GRM3: variants seen among roughly 807,000 people sequenced by gnomAD.
GRM3 encodes glutamate metabotropic receptor 3.
Under a neutral mutation model 70.5 loss-of-function variants are expected in GRM3, and 26 were observed. That is an observed-to-expected ratio of 0.37 (90% confidence interval 0.27 to 0.51). The LOEUF (loss-of-function observed/expected upper bound fraction) is 0.51, where lower values mean the gene tolerates loss of function less well. Among genes scored for constraint, GRM3 ranks in the 20% least tolerant of loss-of-function variants. The pLI is 0.93. For synonymous variants in GRM3, 443 were observed against 434.9 expected, an observed-to-expected ratio of 1.02 and a Z score of -0.23; for missense variants, 859 against 1,123.8, an observed-to-expected ratio of 0.76 and a Z score of 3.37.
At chr7:86,700,038 T>C (rs1383913821) in intron 1 of GRM3, among the ~76,000 whole-genome samples, 1 of 151,998 alleles carries the variant, frequency 6.6e-6, no homozygotes, top group African/African-American at 2.4e-5. Flanking sequence ...TTTTCCACAG[T>C]CCAGAGGCTG....
chr7:86,693,528 G>T (rs149592257), intron 1 of GRM3, among the ~76,000 whole-genome samples: 1 of 152,156 alleles, frequency 6.6e-6, no homozygotes, highest in Admixed American at 6.5e-5. Flanking sequence ...AAAAGGACAC[G>T]CTTCTAGCTA....
Position 86,821,856 on chromosome 7 carries a change from C to G in GRM3, c.1325-16983C>G, listed in dbSNP as rs143882497. Among the ~76,000 whole-genome samples the G allele has an allele frequency of 3.7e-4, 56 of 152,162 alleles. 1 individual carries two copies. In the East Asian group the frequency reaches 7.9e-3, roughly 22 times the overall value. On this transcript the variant is annotated intron_variant, in intron 3 of 5. Transcript: ENST00000361669. ...TTACAAGAAAATCAAATTTAAAAATCGTTCCCTTCATAATTTTCTAATTAG... is the reference window on the plus strand; with the variant it reads ...TTACAAGAAAATCAAATTTAAAAATGGTTCCCTTCATAATTTTCTAATTAG...
chr7:86,732,075 C>G (rs148356438), intron 1 of GRM3, among the ~76,000 whole-genome samples: 1 of 152,012 alleles, frequency 6.6e-6, no homozygotes, highest in East Asian at 1.9e-4. Context: ...GCTACTTTAA[C>G]GAAGCACTGA....
At chr7:86,829,549 A>G (rs1296851769) in intron 3 of GRM3, among the ~76,000 whole-genome samples, 1 of 152,172 alleles carries the variant, frequency 6.6e-6, no homozygotes, top group Non-Finnish European at 1.5e-5. Context: ...ATAGACCATC[A>G]TAAGGTCATT....
intron 1 of GRM3, among the ~76,000 whole-genome samples, chr7:86,647,670 A>G (rs1056766679): frequency 5.3e-5 from 8 of 152,202 alleles, no homozygotes; most frequent in Admixed American, 1.3e-4. Flanking sequence ...CATTAGATGA[A>G]TTTGTTGAAA....
chr7:86,671,208 G>GT (rs1215919557), intron 1 of GRM3, among the ~76,000 whole-genome samples: 1 of 152,156 alleles, frequency 6.6e-6, no homozygotes, highest in East Asian at 1.9e-4. Context: ...TCCAAGATAA[G>GT]TTTTTTGTTT....
chr7:86,712,046 C>T (rs189275471), intron 1 of GRM3, among the ~76,000 whole-genome samples: 53 of 152,160 alleles, frequency 3.5e-4, no homozygotes, highest in East Asian at 2.9e-3. Flanking sequence ...CTGTTAGTGG[C>T]ATCCTAATAT....
At chr7:86,708,572 G>A (rs944155704) in intron 1 of GRM3, among the ~76,000 whole-genome samples, 8 of 152,108 alleles carry the variant, frequency 5.3e-5, no homozygotes, top group Non-Finnish European at 1.2e-4. Flanking sequence ...GCTGGGGATA[G>A]ACATCTGGCA....
intron 1 of GRM3, among the ~76,000 whole-genome samples, chr7:86,654,089 C>G (rs931256683): frequency 6.6e-6 from 1 of 152,258 alleles, no homozygotes; most frequent in African/African-American, 2.4e-5. Flanking sequence ...TTAGCTAAAG[C>G]CGGCAATCCT....
chr7:86,725,741 A>G (rs188999444), intron 1 of GRM3, among the ~76,000 whole-genome samples: 64 of 152,288 alleles, frequency 4.2e-4, no homozygotes, highest in African/African-American at 1.5e-3. Flanking sequence ...GTTGGCTTAT[A>G]CAACAGAAAT....
chr7:86,835,188 A>G (rs545448819), intron 3 of GRM3, among the ~76,000 whole-genome samples: 25 of 152,222 alleles, frequency 1.6e-4, no homozygotes, highest in Non-Finnish European at 3.7e-4. Context: ...ATCAGTGGAA[A>G]ATTATTAACT....
At chr7:86,715,697 C>T (rs79858296) in intron 1 of GRM3, among the ~76,000 whole-genome samples, 1 of 151,944 alleles carries the variant, frequency 6.6e-6, no homozygotes. Flanking sequence ...GGGTAACCTT[C>T]TGGACCAAAG....
At chr7:86,781,422 A>G (rs1797056849) in intron 2 of GRM3, among the ~76,000 whole-genome samples, 2 of 152,180 alleles carry the variant, frequency 1.3e-5, no homozygotes, top group South Asian at 4.1e-4. Context: ...CTGAACTGCA[A>G]TATTGAATTT....
At chr7:86,797,981 T>C (rs1037489242) in intron 3 of GRM3, among the ~76,000 whole-genome samples, 2 of 152,130 alleles carry the variant, frequency 1.3e-5, no homozygotes, top group African/African-American at 4.8e-5. Context: ...TTACACATGA[T>C]GTTGGGCCTG....
chr7:86,793,019 T>C (rs992792061), intron 3 of GRM3, among the ~76,000 whole-genome samples: 251 of 87,758 alleles, frequency 2.9e-3, no homozygotes, highest in African/African-American at 0.014. Context: ...TGGTTGCCTT[T>C]TTTTTTTTTT....
chr7:86,723,659 G>A (rs926568999), intron 1 of GRM3, among the ~76,000 whole-genome samples: 1 of 152,148 alleles, frequency 6.6e-6, no homozygotes, highest in Non-Finnish European at 1.5e-5. Context: ...GAGGCCACAG[G>A]GCAGTTCTTT....
intron 5 of GRM3, among the ~76,000 whole-genome samples, chr7:86,861,453 G>GCA (rs1798956827): frequency 6.6e-6 from 1 of 152,178 alleles, no homozygotes; most frequent in Admixed American, 6.6e-5. Context: ...AAAAAAGGCA[G>GCA]CAACAACTGG....
chr7:86,852,652 C>T (rs1365276845), intron 5 of GRM3, among the ~76,000 whole-genome samples: 1 of 152,082 alleles, frequency 6.6e-6, no homozygotes, highest in African/African-American at 2.4e-5. Context: ...AGCAATATTT[C>T]CCTAATCAAT....
At chr7:86,725,671 C>G (rs1331598855) in intron 1 of GRM3, among the ~76,000 whole-genome samples, 1 of 152,102 alleles carries the variant, frequency 6.6e-6, no homozygotes. Flanking sequence ...CAATTTTCTC[C>G]TCCTTTTGGA....
Sources: gnomAD v4.1 joint callset for allele counts (sites outside exome capture counted in the v4.1 genomes callset) on GRCh38, gnomAD v4.1.1 for gene constraint, MANE v1.5 for transcripts, NCBI Gene and HGNC (gene_info 2026-07-23, HGNC 2026-07-21) for gene names.